Variants in ASAP2 observed in about 807,000 individuals in gnomAD.
The protein encoded by ASAP2 is arf-GAP with SH3 domain, ANK repeat and PH domain-containing protein 2.
ASAP2 carries 45 observed loss-of-function variants against 131.4 expected under a neutral mutation model. That is an observed-to-expected ratio of 0.34 (90% confidence interval 0.27 to 0.44). The LOEUF (loss-of-function observed/expected upper bound fraction) is 0.44. Ranked by LOEUF, ASAP2 falls within the 20% of genes least tolerant of loss-of-function variation. ASAP2 has a pLI of 1.00. For synonymous variants in ASAP2, 510 were observed against 503.0 expected (o/e 1.01, Z -0.19); for missense variants, 1,011 against 1,297.0 (o/e 0.78, Z 3.39).
At chr2:9,386,324 G>GA (rs1675255718) in intron 21 of ASAP2, among the ~76,000 whole-genome samples, 1 of 151,966 alleles carries the variant, frequency 6.6e-6, no homozygotes, top group South Asian at 2.1e-4. Flanking sequence ...TTACTTCACT[G>GA]AGTTAGCTAC....
chr2:9,405,436 G>A lies in ASAP2; in HGVS notation c.*2109G>A, dbSNP rs902259974. 1 of 152,304 alleles carries A rather than the reference G, an allele frequency of 6.6e-6. No homozygotes were observed. Among genetic ancestry groups the A allele is most frequent in the Non-Finnish European group, 1.5e-5 (1 of 68,046 alleles). 9.4% of individuals were successfully genotyped at this position (152,304 alleles called of 1,614,324 possible). A position where few individuals can be genotyped will look rare whatever the true frequency, so the allele number is the denominator to read the frequency against. On this transcript the variant is annotated 3_prime_UTR_variant, in exon 28 of 28. Coordinates refer to ENST00000281419, the MANE Select transcript of ASAP2 (RefSeq NM_003887.3). ...ACATGTACACAGACTAAGAGTAACT[G>A]TGTGATCTGTTAAGGGGTGGATAAC...
rs138309057 is a variant in ASAP2 at position 9,379,004 on chromosome 2, C to T, written c.1893C>T (p.Thr631=). The T allele has an allele frequency of 1.8e-5, 28 of 1,574,496 alleles. No individual in the cohort carries two copies. Among genetic ancestry groups the T allele is most frequent in the East Asian group, 7.2e-5 (3 of 41,384 alleles). The change falls in exon 19 of 28, where the codon ACC becomes ACT. Residue 631 remains threonine, a synonymous_variant. Coordinates refer to ENST00000281419, the MANE Select transcript of ASAP2 (RefSeq NM_003887.3). ...GSTALHYCCL[T]DNAECLKLLL... ...CAGCCCTGCACTACTGCTGCCTGACCGACAATGCCGAGTGCCTCAAGTTGC... is the reference window on the plus strand; with the variant it reads ...CAGCCCTGCACTACTGCTGCCTGACTGACAATGCCGAGTGCCTCAAGTTGC...
chr2:9,251,471 G>A (rs879585773), intron 1 of ASAP2, among the ~76,000 whole-genome samples: 11 of 152,200 alleles, frequency 7.2e-5, no homozygotes, highest in South Asian at 2.1e-4. Context: ...TGAGAAGCTC[G>A]AAGCAGAACA....
chr2:9,301,820 C>CTTTTTTTTTTTTT (rs1177064910), intron 3 of ASAP2, among the ~76,000 whole-genome samples: 2 of 115,410 alleles, frequency 1.7e-5, no homozygotes, highest in African/African-American at 3.5e-5. Flanking sequence ...TATCCATCAT[C>CTTTTTTTTTTTTT]TTTTTTTTTT....
At chr2:9,240,318 A>T (rs1209393304) in intron 1 of ASAP2, among the ~76,000 whole-genome samples, 1 of 145,788 alleles carries the variant, frequency 6.9e-6, no homozygotes, top group South Asian at 2.2e-4. Flanking sequence ...CAGTGGCGCC[A>T]TCACGGCTCA....
chr2:9,229,680 G>A (rs956387725), intron 1 of ASAP2, among the ~76,000 whole-genome samples: 7 of 152,230 alleles, frequency 4.6e-5, no homozygotes, highest in Admixed American at 2.0e-4. Flanking sequence ...TGGGCACACA[G>A]AGCACTGGAG....
At chr2:9,387,925 A>G (rs1269268830) in intron 21 of ASAP2, among the ~76,000 whole-genome samples, 1 of 152,172 alleles carries the variant, frequency 6.6e-6, no homozygotes, top group East Asian at 1.9e-4. Flanking sequence ...AGCAGGGAAA[A>G]CTGCCTTATA....
intron 1 of ASAP2, among the ~76,000 whole-genome samples, chr2:9,245,950 A>G (rs1664308259): frequency 1.3e-5 from 2 of 152,162 alleles, no homozygotes; most frequent in African/African-American, 4.8e-5. Context: ...TTGATTATAT[A>G]ATAATTAAAA....
intron 15 of ASAP2, among the ~76,000 whole-genome samples, chr2:9,367,416 C>T (rs951145325): frequency 6.6e-6 from 1 of 152,166 alleles, no homozygotes; most frequent in Non-Finnish European, 1.5e-5. Flanking sequence ...TATGTTTTCT[C>T]AAAGCACTGA....
At position 9,281,151 on chromosome 2, in the gene ASAP2, T is replaced by A. The variant is rs1187891557; in HGVS notation, c.199+1762T>A. Among the ~76,000 whole-genome samples the A allele has an allele frequency of 6.6e-6, 1 of 152,166 alleles. No individual in the cohort carries two copies. Among genetic ancestry groups the A allele is most frequent in the East Asian group, 1.9e-4 (1 of 5,200 alleles). On this transcript the variant is annotated intron_variant, in intron 2 of 27. Transcript: ENST00000281419. The surrounding 1 kb of genome is among the most constrained non-coding windows in gnomAD (Gnocchi z 4.0). ...TATCTTGGAAGATTTTTTTTTTTTT[T>A]ACTGCGTTCACTTGGACTTTTTGAG...
intron 1 of ASAP2, among the ~76,000 whole-genome samples, chr2:9,253,058 C>G (rs1664836302): frequency 6.6e-6 from 1 of 152,162 alleles, no homozygotes; most frequent in Non-Finnish European, 1.5e-5. Flanking sequence ...CAAGCCAATC[C>G]CGAGGCAACA....
chr2:9,353,940 A>G (rs1198939451), intron 12 of ASAP2, among the ~76,000 whole-genome samples: 1 of 152,146 alleles, frequency 6.6e-6, no homozygotes, highest in South Asian at 2.1e-4. Flanking sequence ...GTGCCACTGC[A>G]CTGTAGCCTG....
chr2:9,235,500 A>C (rs1663485807), intron 1 of ASAP2, among the ~76,000 whole-genome samples: 1 of 152,182 alleles, frequency 6.6e-6, no homozygotes, highest in African/African-American at 2.4e-5. Flanking sequence ...ATCCTGCAGC[A>C]GTTCTGTCTT....
At chr2:9,221,647 T>C (rs1572188449) in intron 1 of ASAP2, among the ~76,000 whole-genome samples, 2 of 152,238 alleles carry the variant, frequency 1.3e-5, no homozygotes, top group East Asian at 3.8e-4. Context: ...ATATTGATCT[T>C]ATGGCCTACA....
intron 24 of ASAP2, chr2:9,399,544 G>T: frequency 6.1e-6 from 1 of 163,906 alleles, no homozygotes; most frequent in Non-Finnish European, 1.3e-5. Context: ...TTCATGGATG[G>T]GGCTTGAGCC....
intron 17 of ASAP2, among the ~76,000 whole-genome samples, chr2:9,375,399 C>G (rs1209024212): frequency 6.6e-6 from 1 of 152,066 alleles, no homozygotes; most frequent in South Asian, 2.1e-4. Flanking sequence ...GTAGAATAAA[C>G]TAGGGTTTTT....
chr2:9,243,343 C>T (rs2709568), intron 1 of ASAP2, among the ~76,000 whole-genome samples: 82,107 of 152,044 alleles, frequency 0.54, 23,500 homozygotes, highest in African/African-American at 0.75. Flanking sequence ...CTCCTGACCT[C>T]GTGATCCACC....
chr2:9,400,127 T>G (rs1346117380), intron 25 of ASAP2, 55 bp downstream of exon 25: 1 of 1,504,120 alleles, frequency 6.6e-7, no homozygotes, highest in Non-Finnish European at 9.0e-7. Context: ...GGGGGCAATG[T>G]GGGGGATGTT....
rs1037353431 is a variant in ASAP2, at chr2:9,317,254, G to T, written c.346-1270G>T. On this transcript the variant is annotated intron_variant, in intron 3 of 27. Transcript: ENST00000281419. ...ACACAACCACACTCATACACACCCC[G>T]TGCATCACACACACTCATATCCACA... Among the ~76,000 whole-genome samples, 15 of 140,316 alleles carry T rather than the reference G, an allele frequency of 1.1e-4. 1 individual carries two copies. The South Asian group carries it at 2.6e-3, about 24-fold the overall frequency. 92.1% of individuals were successfully genotyped at this position (140,316 alleles called of 152,430 possible). A position where few individuals can be genotyped will look rare whatever the true frequency, so the allele number is the denominator to read the frequency against.
Sources: allele counts gnomAD v4.1 joint callset (sites outside exome capture counted in the v4.1 genomes callset), GRCh38; gene constraint gnomAD v4.1.1; non-coding constraint Gnocchi (gnomAD v3.1); transcripts MANE v1.5; gene names NCBI Gene and HGNC (gene_info 2026-07-23, HGNC 2026-07-21).